ATP8B3: variants seen among roughly 807,000 people sequenced by gnomAD.
The protein encoded by ATP8B3 is phospholipid-transporting ATPase IK.
Under a neutral mutation model 140.9 loss-of-function variants are expected in ATP8B3, and 141 were observed. The ratio of observed to expected loss-of-function variants is 1.00; its 90% CI spans 0.87 to 1.15. ATP8B3 has a LOEUF of 1.15. Ranked by LOEUF, ATP8B3 falls within the 50% of genes most tolerant of loss-of-function variation. The probability of loss-of-function intolerance (pLI) is 0.00; values close to 1 mark genes in which losing one functional copy is unlikely to be tolerated. For synonymous variants in ATP8B3, 765 were observed against 714.6 expected (o/e 1.07, Z -1.13); for missense variants, 1,874 against 1,740.6 (o/e 1.08, Z -1.36).
chr19:1,809,147 C>T (rs1344339539), intron 4 of ATP8B3, among the ~76,000 whole-genome samples: 1 of 151,772 alleles, frequency 6.6e-6, no homozygotes, highest in African/African-American at 2.4e-5. Flanking sequence ...GCATTCCAGC[C>T]TGGGCGACAG....
Position 1,800,534 on chromosome 19 carries a change from C to G in ATP8B3, c.1153-85G>C. ...GGATGGGGTAAACACAAAGATAAGGCTGGGGCTGGGCACAGTGGCTCATGC... is the reference window on the plus strand; with the variant it reads ...GGATGGGGTAAACACAAAGATAAGGGTGGGGCTGGGCACAGTGGCTCATGC... On this transcript the variant is annotated intron_variant, in intron 12 of 28. Transcript: ENST00000310127. This position sits in a 1 kb window ranked among gnomAD's most constrained non-coding sequence, Gnocchi z 4.4. 1 of 1,266,708 alleles carries G rather than the reference C, an allele frequency of 7.9e-7. No individual in the cohort carries two copies. The highest frequency in any genetic ancestry group is 1.1e-6 in the Non-Finnish European group (1 of 901,652). The allele number at this position is 1,266,708 out of a possible 1,614,324, so 78.5% of individuals were successfully genotyped here. A position where few individuals can be genotyped will look rare whatever the true frequency, so the allele number is the denominator to read the frequency against.
Position 1,789,615 on chromosome 19 carries a change from C to G in ATP8B3, c.2591G>C (p.Arg864Thr). The change falls in exon 23 of 29, where the codon AGG becomes ACG. Residue 864 changes from arginine to threonine, a missense_variant. Physicochemically the swap from Arg to Thr is moderately conservative, Grantham distance 71 (BLOSUM62 -1). Transcript: ENST00000310127. ...GQSRRDFLYA[R>T]RLSLLCRRFG... ...CCTCCGGCACAGCAGGGACAGGCGC[C>G]TGGCGTAGAGGAAATCCCTCCTGGA... 6.3e-7 allele frequency: 1 copy of G among 1,592,868 alleles called. No individual in the cohort carries two copies. Among genetic ancestry groups the G allele is most frequent in the Non-Finnish European group, 8.5e-7 (1 of 1,173,726 alleles).
chr19:1,791,961 G>GGCCCCC, intron 19 of ATP8B3, 40 bp downstream of exon 19: 1 of 1,526,488 alleles, frequency 6.6e-7, no homozygotes, highest in Non-Finnish European at 8.9e-7. Flanking sequence ...TGCCCCCGCT[G>GGCCCCC]CCCACCCACC....
At chr19:1,786,565 CAAA>C (rs57628690) in intron 25 of ATP8B3, among the ~76,000 whole-genome samples, 21 of 109,860 alleles carry the variant, frequency 1.9e-4, no homozygotes, top group Admixed American at 2.9e-4. Context: ...GACCCTGTCT[CAAA>C]AAAAAAAAAA....
At position 1,806,827 on chromosome 19, in the gene ATP8B3, G is replaced by T. The variant is rs1178994747; in HGVS notation, c.616-138C>A. 5 of 999,046 alleles carry T rather than the reference G, an allele frequency of 5.0e-6. 1 individual carries two copies. The highest frequency in any genetic ancestry group is 7.5e-6 in the Non-Finnish European group (5 of 668,250). The allele number at this position is 999,046 out of a possible 1,614,324, so 61.9% of individuals were successfully genotyped here. A position where few individuals can be genotyped will look rare whatever the true frequency, so the allele number is the denominator to read the frequency against. ...GCTGGCCCCACGCCACGTTGCGTCT[G>T]CTCAGGGATCCCGGACGTGGGGGCC... On this transcript the variant is annotated intron_variant, in intron 6 of 28. Coordinates refer to ENST00000310127, the MANE Select transcript of ATP8B3 (RefSeq NM_138813.4). This position sits in a 1 kb window ranked among gnomAD's most constrained non-coding sequence, Gnocchi z 5.6.
In ATP8B3 at chr19:1,810,700, C is replaced by A. The variant is rs1191371704; in HGVS notation, c.249-17G>T. On this transcript the variant is annotated splice_polypyrimidine_tract_variant and intron_variant, in intron 2 of 28. Transcript: ENST00000310127. ...CTGGTGGGGCTGTGGGAGAGAAGGGCCCCGGGTCACAGCAGTGACCCCAGC... is the reference window on the plus strand; with the variant it reads ...CTGGTGGGGCTGTGGGAGAGAAGGGACCCGGGTCACAGCAGTGACCCCAGC... The A allele has an allele frequency of 6.2e-7, 1 of 1,609,290 alleles. No homozygotes were observed. The highest frequency in any genetic ancestry group is 2.2e-5 in the East Asian group (1 of 44,792).
At position 1,807,988 on chromosome 19, in the gene ATP8B3, G is replaced by A. The variant is rs1053938223; in HGVS notation, c.516+234C>T. ...CCAGCCCTGCCCAGCAGGAACCAGC[G>A]GGGCGTGGAGAGGGTGCCGTCATCA... On this transcript the variant is annotated intron_variant, in intron 5 of 28. Coordinates refer to ENST00000310127, the MANE Select transcript of ATP8B3 (RefSeq NM_138813.4). This position sits in a 1 kb window ranked among gnomAD's most constrained non-coding sequence, Gnocchi z 5.9. 1.3e-5 allele frequency among the ~76,000 whole-genome samples: 2 copies of A among 152,248 alleles called. No homozygotes were observed. The highest frequency in any genetic ancestry group is 2.4e-5 in the African/African-American group (1 of 41,476).
intron 18 of ATP8B3, among the ~76,000 whole-genome samples, chr19:1,793,781 T>G (rs748264853): frequency 1.3e-5 from 2 of 152,140 alleles, no homozygotes; most frequent in Non-Finnish European, 2.9e-5. Flanking sequence ...CTCACTCTGT[T>G]GCCCAGGCTG....
At chr19:1,789,215 C>A (rs1190324866) in intron 23 of ATP8B3, 95 bp from the exon 24 acceptor site, 31 of 851,544 alleles carry the variant, frequency 3.6e-5, no homozygotes, top group Non-Finnish European at 5.0e-5. Context: ...ATCAGCCCCC[C>A]CCATCTGCTT....
At chr19:1,787,580 G>A (rs918051208) in intron 24 of ATP8B3, among the ~76,000 whole-genome samples, 17 of 151,792 alleles carry the variant, frequency 1.1e-4, no homozygotes, top group African/African-American at 4.1e-4. Flanking sequence ...AATATAAAAA[G>A]TAGCTGGGCG....
At chr19:1,783,888 C>T (rs2068228425) in intron 28 of ATP8B3, among the ~76,000 whole-genome samples, 1 of 152,098 alleles carries the variant, frequency 6.6e-6, no homozygotes. Flanking sequence ...GATAGGAGTG[C>T]AGTGGCAAAA....
At chr19:1,785,055 C>T in intron 27 of ATP8B3, 104 bp downstream of exon 27, 1 of 1,490,364 alleles carries the variant, frequency 6.7e-7, no homozygotes, top group Non-Finnish European at 8.9e-7. Context: ...GAGCGCCTTC[C>T]CCAGGACACT....
rs867666651 is a variant in ATP8B3, at chr19:1,789,987, C to T, written c.2381G>A (p.Arg794His). The change falls in exon 22 of 29, where the codon CGC becomes CAC. Residue 794 changes from arginine (R) to histidine (H), a missense_variant and splice_region_variant. Around this residue, in one of 3 missense-constraint regions of ATP8B3, gnomAD observed 840 missense variants for 760.9 expected, o/e 1.10. Coordinates refer to ENST00000310127, the MANE Select transcript of ATP8B3 (RefSeq NM_138813.4). ...GTTTTCCCAGTAGGTCTCCAGGATG[C>T]GGCTGCGGGGCGCAGGGGTCAGCGG... is the stretch of plus-strand genomic sequence containing the variant. ...MLILEEKEIS[R>H]ILETYWENSN... is the part of the protein sequence containing the mutation. The T allele has an allele frequency of 6.2e-7, 1 of 1,603,496 alleles. No individual in the cohort carries two copies. The highest frequency in any genetic ancestry group is 1.1e-5 in the South Asian group (1 of 90,864).
Position 1,787,728 on chromosome 19 carries a change from T to TAA in ATP8B3, c.3070-544_3070-543dup, listed in dbSNP as rs561418063. Among the ~76,000 whole-genome samples, 592 of 119,626 alleles carry TAA rather than the reference T, an allele frequency of 4.9e-3. 1 individual carries two copies. Among genetic ancestry groups the TAA allele is most frequent in the African/African-American group, 8.4e-3 (268 of 31,966 alleles). The allele number at this position is 119,626 out of a possible 152,430, so 78.5% of individuals were successfully genotyped here. A position where few individuals can be genotyped will look rare whatever the true frequency, so the allele number is the denominator to read the frequency against. ...TGGGCAACAAGTGTGAAACTCTGTC[T>TAA]AAAAAAAAAAAAAAAAAAAAAAAAA... On this transcript the variant is annotated intron_variant, in intron 24 of 28. Transcript: ENST00000310127.
intron 14 of ATP8B3, among the ~76,000 whole-genome samples, chr19:1,798,448 C>T (rs1429135795): frequency 6.6e-6 from 1 of 151,898 alleles, no homozygotes; most frequent in Non-Finnish European, 1.5e-5. Flanking sequence ...AATACTAATA[C>T]TGTTTTGTGG....
intron 28 of ATP8B3, among the ~76,000 whole-genome samples, chr19:1,784,466 G>C (rs940391104): frequency 2.0e-5 from 3 of 152,166 alleles, no homozygotes; most frequent in African/African-American, 7.2e-5. Context: ...AGTGAGCCGA[G>C]ATTGTGCCAC....
At chr19:1,811,934 C>A in intron 1 of ATP8B3, 50 bp from the exon 2 acceptor site, 1 of 635,110 alleles carries the variant, frequency 1.6e-6, no homozygotes, top group Non-Finnish European at 2.6e-6. Flanking sequence ...TGCCCCCTCA[C>A]TAACTGGGAT....
At chr19:1,785,398 C>G in intron 26 of ATP8B3, 71 bp downstream of exon 26, 5 of 1,568,420 alleles carry the variant, frequency 3.2e-6, no homozygotes, top group East Asian at 2.3e-5. Context: ...GCCCCCAAAG[C>G]AGGGGTCCCC....
chr19:1,798,032 C>T (rs1183902355), intron 14 of ATP8B3, among the ~76,000 whole-genome samples: 2 of 151,874 alleles, frequency 1.3e-5, no homozygotes, highest in South Asian at 2.1e-4. Flanking sequence ...AGTGCAGTGG[C>T]GTGACCTTGG....
Sources: gnomAD v4.1 joint callset for allele counts (sites outside exome capture counted in the v4.1 genomes callset) on GRCh38, gnomAD v4.1.1 for gene constraint, gnomAD v4.1.1 regional missense constraint, Gnocchi (gnomAD v3.1) non-coding constraint, MANE v1.5 for transcripts, NCBI Gene and HGNC (gene_info 2026-07-23, HGNC 2026-07-21) for gene names.